Variants in ITCH observed in about 807,000 individuals in gnomAD.
ITCH encodes itchy E3 ubiquitin protein ligase.
In ITCH, 28 loss-of-function variants were observed where a neutral mutation model predicts 126.8. The ratio of observed to expected loss-of-function variants is 0.22; its 90% CI spans 0.16 to 0.30. The LOEUF (loss-of-function observed/expected upper bound fraction) is 0.30. Among genes scored for constraint, ITCH ranks in the 10% least tolerant of loss-of-function variants. The pLI, the probability that ITCH is intolerant of heterozygous loss-of-function variation, is 1.00. For synonymous variants in ITCH, 342 were observed against 340.0 expected (o/e 1.01, Z -0.06); for missense variants, 631 against 1,032.4 (o/e 0.61, Z 5.33).
intron 13 of ITCH, among the ~76,000 whole-genome samples, chr20:34,461,508 A>G (rs1005861250): frequency 3.3e-5 from 5 of 152,114 alleles, no homozygotes; most frequent in African/African-American, 1.2e-4. Flanking sequence ...CAGGAGTTCA[A>G]ACCCAGCCTG....
intron 11 of ITCH, among the ~76,000 whole-genome samples, chr20:34,446,638 T>G (rs1984505954): frequency 6.6e-6 from 1 of 152,246 alleles, no homozygotes; most frequent in Non-Finnish European, 1.5e-5. Flanking sequence ...TTTCATTTTT[T>G]TTTCTATGCT....
intron 6 of ITCH, 134 bp downstream of exon 6, chr20:34,414,013 C>A: frequency 1.4e-6 from 1 of 732,056 alleles, no homozygotes. Context: ...TGTGGTGGCT[C>A]ACGCCTCTAA....
chr20:34,507,263 G>GTTTTTTTTTTTTTTTTTTTTTTTTTTTT (rs776161631), intron 24 of ITCH, among the ~76,000 whole-genome samples: 2 of 39,162 alleles, frequency 5.1e-5, no homozygotes, highest in Admixed American at 2.4e-4. Context: ...GTTTTCTTCT[G>GTTTTTTTTTTTTTTTTTTTTTTTTTTTT]TTTTTTTTTT....
chr20:34,467,215 A>C (rs1327308038), intron 14 of ITCH, among the ~76,000 whole-genome samples: 2 of 152,236 alleles, frequency 1.3e-5, no homozygotes, highest in African/African-American at 4.8e-5. Flanking sequence ...CCTATAGCTG[A>C]TAAATCAAAT....
intron 1 of ITCH, among the ~76,000 whole-genome samples, chr20:34,368,904 C>T (rs1292699919): frequency 1.3e-5 from 2 of 152,134 alleles, no homozygotes; most frequent in Admixed American, 6.6e-5. Flanking sequence ...TCCCATAATA[C>T]GTATGAATCA....
At chr20:34,451,446 C>G (rs905412541) in intron 12 of ITCH, among the ~76,000 whole-genome samples, 9 of 152,012 alleles carry the variant, frequency 5.9e-5, no homozygotes, top group African/African-American at 2.2e-4. Context: ...GGTGAGAGAG[C>G]AAGACCCTGT....
intron 2 of ITCH, 80 bp downstream of exon 2, chr20:34,369,550 A>G: frequency 2.5e-6 from 1 of 394,556 alleles, no homozygotes; most frequent in Non-Finnish European, 4.5e-6. Flanking sequence ...TGCTGTGAGG[A>G]GAGAGCAGTG....
intron 12 of ITCH, among the ~76,000 whole-genome samples, chr20:34,456,434 G>T (rs868027006): frequency 1.4e-4 from 20 of 148,066 alleles, no homozygotes; most frequent in African/African-American, 4.4e-4. Flanking sequence ...TGTTCAACAT[G>T]TCTCAAAATG....
intron 24 of ITCH, among the ~76,000 whole-genome samples, chr20:34,505,715 A>G (rs1030049777): frequency 6.6e-6 from 1 of 151,712 alleles, no homozygotes; most frequent in African/African-American, 2.4e-5. Flanking sequence ...ACCACCACGC[A>G]TGGCTAATTT....
At chr20:34,400,086 G>A (rs2038820265) in intron 3 of ITCH, among the ~76,000 whole-genome samples, 1 of 151,934 alleles carries the variant, frequency 6.6e-6, no homozygotes, top group Non-Finnish European at 1.5e-5. Context: ...TTACAGACAT[G>A]CGCCACCAAG....
At chr20:34,422,503 A>G (rs959901073) in intron 6 of ITCH, among the ~76,000 whole-genome samples, 5 of 152,188 alleles carry the variant, frequency 3.3e-5, no homozygotes, top group African/African-American at 7.2e-5. Flanking sequence ...TTAGGGGACT[A>G]TATTCCATAT....
At chr20:34,442,755 C>T (rs890753008) in intron 10 of ITCH, among the ~76,000 whole-genome samples, 3 of 150,968 alleles carry the variant, frequency 2.0e-5, no homozygotes, top group African/African-American at 7.3e-5. Flanking sequence ...GGGAGGATCA[C>T]GAGCTCAGGA....
chr20:34,444,944 A>G (rs958420154), intron 10 of ITCH, among the ~76,000 whole-genome samples: 1 of 152,192 alleles, frequency 6.6e-6, no homozygotes, highest in East Asian at 1.9e-4. Context: ...GCACCTGGCC[A>G]AAAAGTGCTT....
At chr20:34,455,388 A>G (rs1600383501) in intron 12 of ITCH, among the ~76,000 whole-genome samples, 1 of 152,232 alleles carries the variant, frequency 6.6e-6, no homozygotes, top group East Asian at 1.9e-4. Flanking sequence ...GTAATGGGAC[A>G]GAGAAGTCAG....
chr20:34,461,090 G>C (rs578257104), intron 13 of ITCH, among the ~76,000 whole-genome samples: 1 of 152,184 alleles, frequency 6.6e-6, no homozygotes, highest in Non-Finnish European at 1.5e-5. Flanking sequence ...CAAAAGGAAA[G>C]GCTTCATTTG....
At position 34,438,430 on chromosome 20, in the gene ITCH, C is replaced by T. The variant is rs372502265; in HGVS notation, c.522-44C>T. The T allele has an allele frequency of 3.6e-5, 57 of 1,597,388 alleles. 1 individual carries two copies. The highest frequency in any genetic ancestry group is 2.8e-4 in the Admixed American group (17 of 59,942). On this transcript the variant is annotated intron_variant, in intron 7 of 24. Transcript: ENST00000374864. ...TTTTTTCTTAAATTCAAGGAGTATT[C>T]ATTATTTCCCTCTCCCCCTTCCTTT...
chr20:34,456,433 T>C (rs985547931), intron 12 of ITCH, among the ~76,000 whole-genome samples: 1 of 148,854 alleles, frequency 6.7e-6, no homozygotes, highest in African/African-American at 2.5e-5. Context: ...TTGTTCAACA[T>C]GTCTCAAAAT....
At chr20:34,495,314 T>TACACAC (rs71194613) in intron 23 of ITCH, among the ~76,000 whole-genome samples, 40 of 76,370 alleles carry the variant, frequency 5.2e-4, no homozygotes, top group African/African-American at 1.6e-3. Flanking sequence ...TATATATATA[T>TACACAC]ATACACACGC....
At chr20:34,432,137 ACTGG>A (rs1439531736) in intron 7 of ITCH, among the ~76,000 whole-genome samples, 2 of 152,122 alleles carry the variant, frequency 1.3e-5, no homozygotes, top group African/African-American at 4.8e-5. Context: ...GCTAGGGAAA[ACTGG>A]CTGTTTGGAA....
Sources: allele counts gnomAD v4.1 joint callset (sites outside exome capture counted in the v4.1 genomes callset), GRCh38; gene constraint gnomAD v4.1.1; transcripts MANE v1.5; gene names NCBI Gene and HGNC (gene_info 2026-07-23, HGNC 2026-07-21).